Variants in KIF24 observed in about 807,000 individuals in gnomAD.
KIF24 encodes the protein kinesin-like protein KIF24.
A neutral mutation model predicts 118.9 loss-of-function variants in KIF24; 81 were observed. The ratio of observed to expected loss-of-function variants is 0.68; its 90% confidence interval spans 0.57 to 0.82. The LOEUF is 0.82. Among genes scored for constraint, KIF24 ranks in the 40% least tolerant of loss-of-function variants. KIF24 has a pLI of 0.00. For synonymous variants in KIF24, 599 were observed against 610.0 expected (o/e 0.98, Z 0.27); for missense variants, 1,560 against 1,661.6 (o/e 0.94, Z 1.06).
rs920590922 is a variant in KIF24 at position 34,311,368 on chromosome 9, A to G, written c.-22T>C. The G allele has an allele frequency of 6.7e-7, 1 of 1,492,580 alleles. No homozygotes were observed. The highest frequency in any genetic ancestry group is 1.4e-5 in the African/African-American group (1 of 71,332). The allele number at this position is 1,492,580 out of a possible 1,614,324, so 92.5% of individuals were successfully genotyped here. Reference sequence around the variant, plus strand: ...CCATTTTGGTGAATAGGTTTCTATAAACTCTGAAGAGAGAAAGAAAAGCCA... The same window carrying G: ...CCATTTTGGTGAATAGGTTTCTATAGACTCTGAAGAGAGAAAGAAAAGCCA... On this transcript the variant is annotated 5_prime_UTR_variant, in exon 2 of 13. Transcript: ENST00000402558.
chr9:34,280,261 G>A (rs2131726786), intron 6 of KIF24, among the ~76,000 whole-genome samples: 1 of 117,946 alleles, frequency 8.5e-6, no homozygotes, highest in African/African-American at 3.2e-5. Flanking sequence ...TCCAACCTGG[G>A]CGACAGGGCG....
rs765799957 is a variant in KIF24, at chr9:34,263,101, C to T, written c.1515G>A (p.Gln505=). ...HTPFRQSKLT[Q]VLKDSFIGNA... is the part of the protein sequence containing the mutation. ...ACTCAAGGCTCACATTTAACTTTAC[C>T]TGAGTTAGTTTGCTTTGCCTGAAGG... Residue 505 remains glutamine, a splice_region_variant and synonymous_variant, in exon 9 of 13, where the codon CAG becomes CAA. Transcript: ENST00000402558. 3.7e-6 allele frequency: 6 copies of T among 1,609,934 alleles called. No individual in the cohort carries two copies. The South Asian group carries it at 5.5e-5, about 15-fold the overall frequency.
At chr9:34,303,815 C>T (rs907716550) in intron 3 of KIF24, among the ~76,000 whole-genome samples, 14 of 152,190 alleles carry the variant, frequency 9.2e-5, no homozygotes, top group Admixed American at 6.5e-4. Flanking sequence ...TACCACTGCA[C>T]TCCAGCCTGG....
rs1452134263 is a variant in KIF24 at position 34,255,117 on chromosome 9, C to A, written c.3921G>T (p.Glu1307Asp). 1 of 1,596,138 alleles carries A rather than the reference C, an allele frequency of 6.3e-7. No homozygotes were observed. The highest frequency in any genetic ancestry group is 1.3e-5 in the African/African-American group (1 of 74,688). The change falls in exon 12 of 13, where the codon GAG becomes GAT. Residue 1307 changes from glutamate to aspartate, a missense_variant. Transcript: ENST00000402558. ...TCAGCGTCTCCTCCTTGAAGCCGAG[C>A]TCAGCCATTTCATCCAGCTGTTCCT... ...AHQEQLDEMAELGFKEETLMS... is the reference protein window; with the variant it reads ...AHQEQLDEMADLGFKEETLMS...
At chr9:34,302,469 AT>A (rs34131990) in intron 3 of KIF24, among the ~76,000 whole-genome samples, 2,334 of 138,532 alleles carry the variant, frequency 0.017, 65 homozygotes, top group African/African-American at 0.06. Flanking sequence ...ACGCTTGGCA[AT>A]TTTTTTTTTT....
rs75301249 is a variant in KIF24 at position 34,318,440 on chromosome 9, C to T, written c.-25-7069G>A. ...CCTGCTCCTCAGCGCCTTCTGCCTC[C>T]TGGCGGTGGCCTTGGCGACCGAGGT... On this transcript the variant is annotated intron_variant, in intron 1 of 12. Transcript: ENST00000402558. This position sits in a 1 kb window ranked among gnomAD's most constrained non-coding sequence, Gnocchi z 4.9. The T allele has an allele frequency of 8.4e-4, 603 of 716,664 alleles. 7 individuals are homozygous for T. The East Asian group carries it at 0.014, about 17-fold the overall frequency. 44.4% of individuals were successfully genotyped at this position (716,664 alleles called of 1,614,324 possible).
Position 34,284,068 on chromosome 9 carries a change from G to C in KIF24, c.1215+2549C>G, listed in dbSNP as rs561542673. Among the ~76,000 whole-genome samples, 39 of 152,164 alleles carry C rather than the reference G, an allele frequency of 2.6e-4. 1 individual carries two copies. Among genetic ancestry groups the C allele is most frequent in the East Asian group, 1.5e-3 (8 of 5,174 alleles). On this transcript the variant is annotated intron_variant, in intron 6 of 12. Coordinates refer to ENST00000402558, the MANE Select transcript of KIF24 (RefSeq NM_194313.4). ...GGATTGCTTGAGCCCAGGAACTTGA[G>C]ACCAGCCTGGGCAACATGGTAGGAC... is the stretch of plus-strand genomic sequence containing the variant.
chr9:34,262,663 AAAAAAAAAAAAAATATATATATATATAT>A (rs1835110093), intron 9 of KIF24, among the ~76,000 whole-genome samples: 1 of 43,262 alleles, frequency 2.3e-5, no homozygotes, highest in Non-Finnish European at 4.4e-5. Flanking sequence ...AAAAAAAAAA[AAAAAAAAAAAAAATATATATATATATAT>A]ATATATATAT....
At position 34,252,615 on chromosome 9, in the gene KIF24, G is replaced by C. The variant is rs1834636419; in HGVS notation, c.*1765C>G. The C allele has an allele frequency of 6.6e-6, 1 of 152,468 alleles. No homozygotes were observed. The highest frequency in any genetic ancestry group is 1.5e-5 in the Non-Finnish European group (1 of 68,038). 9.4% of individuals were successfully genotyped at this position (152,468 alleles called of 1,614,324 possible). On this transcript the variant is annotated 3_prime_UTR_variant, in exon 13 of 13. Coordinates refer to ENST00000402558, the MANE Select transcript of KIF24 (RefSeq NM_194313.4). ...ATAAAGAGATTTCTTGCTTAGATTT[G>C]CTGGGGATAGAATAGGACCTAACCG...
At chr9:34,255,021 G>T in intron 12 of KIF24, 51 bp downstream of exon 12, 2 of 1,225,590 alleles carry the variant, frequency 1.6e-6, no homozygotes, top group Non-Finnish European at 2.3e-6. Flanking sequence ...CATCAAATTA[G>T]CTGCAGGCTA....
chr9:34,288,602 A>C (rs983888922), intron 5 of KIF24, among the ~76,000 whole-genome samples: 1 of 151,912 alleles, frequency 6.6e-6, no homozygotes, highest in African/African-American at 2.4e-5. Context: ...AATAGATTAG[A>C]TTAGACAATT....
At chr9:34,260,765 G>A (rs1175374367) in intron 9 of KIF24, among the ~76,000 whole-genome samples, 3 of 152,196 alleles carry the variant, frequency 2.0e-5, no homozygotes, top group Admixed American at 2.0e-4. Context: ...GAGGTCAGGA[G>A]TTCAAAACCA....
chr9:34,332,167 G>T (rs1837959909), upstream of KIF24, among the ~76,000 whole-genome samples: 1 of 152,202 alleles, frequency 6.6e-6, no homozygotes, highest in Admixed American at 6.5e-5. Context: ...ACCAGTCAGA[G>T]GCTTCATTGC....
chr9:34,319,313 C>G, intron 1 of KIF24: 2 of 945,928 alleles, frequency 2.1e-6, no homozygotes, highest in Non-Finnish European at 1.7e-6. Context: ...GTCGCCATCT[C>G]CTTGCCCAAG....
intron 1 of KIF24, among the ~76,000 whole-genome samples, chr9:34,325,698 A>C (rs963324722): frequency 2.0e-5 from 3 of 152,218 alleles, no homozygotes; most frequent in East Asian, 3.8e-4. Context: ...TCAGAAAAAA[A>C]TATAAATAAA....
rs769709276 is a variant in KIF24, at chr9:34,299,601, T to G, written c.814-2487A>C. 1.4e-4 allele frequency among the ~76,000 whole-genome samples: 21 copies of G among 151,966 alleles called. 1 individual carries two copies. The highest frequency in any genetic ancestry group is 2.4e-4 in the Non-Finnish European group (16 of 67,980). On this transcript the variant is annotated intron_variant, in intron 3 of 12. Transcript: ENST00000402558. ...AAGTAACATGTATTTATAGAATATC[T>G]CTGGAAAGATACACTTAGAATAGGT...
chr9:34,308,166 C>T (rs964089142), intron 2 of KIF24, among the ~76,000 whole-genome samples: 3 of 152,184 alleles, frequency 2.0e-5, no homozygotes, highest in Non-Finnish European at 4.4e-5. Context: ...CAGGGTCTCA[C>T]CATGTTGCCC....
intron 2 of KIF24, among the ~76,000 whole-genome samples, chr9:34,306,750 C>T (rs1422747998): frequency 3.3e-5 from 5 of 151,392 alleles, no homozygotes; most frequent in South Asian, 4.2e-4. Flanking sequence ...TGCAGTGAGC[C>T]GAGATTGCGC....
At chr9:34,286,950 T>C (rs990920694) in intron 5 of KIF24, among the ~76,000 whole-genome samples, 1 of 152,168 alleles carries the variant, frequency 6.6e-6, no homozygotes, top group Non-Finnish European at 1.5e-5. Flanking sequence ...ATCTAAACTA[T>C]GCTAATCAGT....
Sources: allele counts gnomAD v4.1 joint callset (sites outside exome capture counted in the v4.1 genomes callset), GRCh38; gene constraint gnomAD v4.1.1; non-coding constraint Gnocchi (gnomAD v3.1); transcripts MANE v1.5; gene names NCBI Gene and HGNC (gene_info 2026-07-23, HGNC 2026-07-21).